OCA2: variants seen among roughly 807,000 people sequenced by gnomAD.
OCA2 encodes the protein P protein.
Under a neutral mutation model 100.2 loss-of-function variants are expected in OCA2, and 77 were observed. That is an observed-to-expected ratio of 0.77 (90% CI 0.64 to 0.93). The LOEUF is 0.93. Among genes scored for constraint, OCA2 ranks in the 40% least tolerant of loss-of-function variants. The probability of loss-of-function intolerance (pLI) is 0.00; values close to 1 mark genes in which losing one functional copy is unlikely to be tolerated. For synonymous variants in OCA2, 432 were observed against 439.2 expected (o/e 0.98, Z 0.21); for missense variants, 1,062 against 1,089.1 (o/e 0.98, Z 0.35).
chr15:27,956,746 T>G (rs569925912), intron 16 of OCA2, among the ~76,000 whole-genome samples: 4 of 152,318 alleles, frequency 2.6e-5, no homozygotes, highest in African/African-American at 9.6e-5. Flanking sequence ...GGACCGGGGA[T>G]GAAGCCAATG....
At chr15:28,078,210 G>A (rs1263867052) in intron 2 of OCA2, among the ~76,000 whole-genome samples, 1 of 152,228 alleles carries the variant, frequency 6.6e-6, no homozygotes, top group Non-Finnish European at 1.5e-5. Context: ...TAACCTGGAA[G>A]GACTCCAGAC....
the OCA2 span, among the ~76,000 whole-genome samples, chr15:27,730,175 A>G: frequency 6.6e-6 from 1 of 152,206 alleles, no homozygotes; most frequent in Admixed American, 6.5e-5. Context: ...CTGGTTTGAT[A>G]ATTTGCTAGA....
chr15:27,789,692 T>G (rs1027861464), intron 23 of OCA2, among the ~76,000 whole-genome samples: 2 of 152,226 alleles, frequency 1.3e-5, no homozygotes, highest in Non-Finnish European at 2.9e-5. Flanking sequence ...GCTAGTCTGA[T>G]TTTTATTTGA....
At position 27,878,604 on chromosome 15, in the gene OCA2, T is replaced by C. The variant is rs532437586; in HGVS notation, c.2080-6682A>G. Among the ~76,000 whole-genome samples the C allele has an allele frequency of 4.1e-4, 62 of 152,290 alleles. No homozygotes were observed. In the South Asian group the frequency reaches 5.4e-3, roughly 13 times the overall value. ...TCAAATCATAGTCCCTTGCATGTAA[T>C]GTATCACTCTTCTCTCACTGTTTTT... is the stretch of plus-strand genomic sequence containing the variant. On this transcript the variant is annotated intron_variant, in intron 19 of 23. Transcript: ENST00000354638.
intron 14 of OCA2, among the ~76,000 whole-genome samples, chr15:27,970,489 G>A (rs879898249): frequency 1.3e-5 from 2 of 152,126 alleles, no homozygotes; most frequent in African/African-American, 2.4e-5. Flanking sequence ...ACGGCATGGT[G>A]GGAAAATATG....
chr15:27,883,568 T>G lies in OCA2; in HGVS notation c.2080-11646A>C, dbSNP rs1038978209. 2.0e-5 allele frequency among the ~76,000 whole-genome samples: 3 copies of G among 152,026 alleles called. No homozygotes were observed. The East Asian group carries it at 5.8e-4, about 29-fold the overall frequency. ...GGACCTCACGCCCCCTGCGGATCCC[T>G]CATCAGGGCGAGGGAGATCAACGAG... On this transcript the variant is annotated intron_variant, in intron 19 of 23. Coordinates refer to ENST00000354638, the MANE Select transcript of OCA2 (RefSeq NM_000275.3).
intron 19 of OCA2, among the ~76,000 whole-genome samples, chr15:27,902,212 T>TTG (rs752065548): frequency 0.25 from 38,406 of 151,092 alleles, 5,698 homozygotes; most frequent in East Asian, 0.56. Context: ...AAGTTGTTGT[T>TTG]GTTGTTGTTT....
intron 23 of OCA2, among the ~76,000 whole-genome samples, chr15:27,824,617 T>TATATATATATATAATATA (rs1020369750): frequency 4.6e-5 from 6 of 130,114 alleles, no homozygotes; most frequent in African/African-American, 1.8e-4. Context: ...TATATATATA[T>TATATATATATATAATATA]ATATAATATA....
chr15:27,752,357 C>T (rs535357855), downstream of OCA2, among the ~76,000 whole-genome samples: 43 of 152,268 alleles, frequency 2.8e-4, no homozygotes, highest in South Asian at 1.7e-3. Flanking sequence ...TCCATCATAA[C>T]GACACAGGAT....
chr15:28,017,863 T>C (rs377285941), intron 7 of OCA2, among the ~76,000 whole-genome samples: 33 of 152,236 alleles, frequency 2.2e-4, no homozygotes, highest in African/African-American at 7.9e-4. Flanking sequence ...GCCCTGCCTC[T>C]GGAGTCTAGG....
chr15:27,897,189 C>CAAAAAAAA (rs34697199), intron 19 of OCA2, among the ~76,000 whole-genome samples: 2 of 131,326 alleles, frequency 1.5e-5, no homozygotes, highest in African/African-American at 5.3e-5. Context: ...GACTCCGTCT[C>CAAAAAAAA]AAAAAAAAAA....
intron 14 of OCA2, among the ~76,000 whole-genome samples, chr15:27,982,271 CTG>C (rs2041191824): frequency 6.6e-6 from 1 of 152,178 alleles, no homozygotes; most frequent in Non-Finnish European, 1.5e-5. Context: ...ATGTGCATGT[CTG>C]TGAGACTTCT....
intron 14 of OCA2, among the ~76,000 whole-genome samples, chr15:27,976,382 C>A (rs937891443): frequency 4.6e-5 from 7 of 152,138 alleles, no homozygotes; most frequent in African/African-American, 1.7e-4. Flanking sequence ...AAGTATGATG[C>A]TAGCTATAGA....
At chr15:28,097,366 G>A (rs2141986305) in intron 1 of OCA2, among the ~76,000 whole-genome samples, 1 of 152,354 alleles carries the variant, frequency 6.6e-6, no homozygotes, top group African/African-American at 2.4e-5. Flanking sequence ...GAGTGAGCTG[G>A]TAGAGCCAGC....
At chr15:27,729,289 ATTTTTTTTT>A in the OCA2 span, among the ~76,000 whole-genome samples, 1 of 111,218 alleles carries the variant, frequency 9.0e-6, no homozygotes, top group Non-Finnish European at 1.9e-5. Context: ...ATTATCATCT[ATTTTTTTTT>A]TTTTTTTTTT....
chr15:27,855,983 C>G (rs992862920), intron 21 of OCA2, among the ~76,000 whole-genome samples: 4 of 152,136 alleles, frequency 2.6e-5, no homozygotes, highest in Non-Finnish European at 5.9e-5. Context: ...CCGCACGGCT[C>G]TGAAGGCGAG....
At position 28,081,913 on chromosome 15, in the gene OCA2, A is replaced by G; in HGVS notation, c.-21-18T>C. ...TCTTCTCTCTAGGGCAGCCAGAAAGAAACCACTCTTCATGAAAGGCACACT... is the reference window on the plus strand; with the variant it reads ...TCTTCTCTCTAGGGCAGCCAGAAAGGAACCACTCTTCATGAAAGGCACACT... On this transcript the variant is annotated intron_variant, in intron 1 of 23. Transcript: ENST00000354638. 6.3e-6 allele frequency: 10 copies of G among 1,576,540 alleles called. No homozygotes were observed. The highest frequency in any genetic ancestry group is 8.6e-6 in the Non-Finnish European group (10 of 1,160,192).
the OCA2 span, among the ~76,000 whole-genome samples, chr15:27,741,143 G>C: frequency 6.6e-6 from 1 of 152,180 alleles, no homozygotes; most frequent in Non-Finnish European, 1.5e-5. Flanking sequence ...AAGACAAAAT[G>C]TCTCTGTCTT....
chr15:28,019,468 T>C (rs1010148552), intron 6 of OCA2, among the ~76,000 whole-genome samples: 2 of 152,060 alleles, frequency 1.3e-5, no homozygotes, highest in African/African-American at 4.8e-5. Context: ...GAACTTCAGG[T>C]GCTACAATTA....
Sources: gnomAD v4.1 joint callset for allele counts (sites outside exome capture counted in the v4.1 genomes callset) on GRCh38, gnomAD v4.1.1 for gene constraint, MANE v1.5 for transcripts, NCBI Gene and HGNC (gene_info 2026-07-23, HGNC 2026-07-21) for gene names.